FOXP2: variants seen among roughly 807,000 people sequenced by gnomAD.
FOXP2 encodes forkhead box protein P2.
FOXP2 carries 12 observed loss-of-function variants against 115.8 expected under a neutral mutation model. The observed-to-expected ratio is 0.10, with a 90% confidence interval of 0.07 to 0.17. The LOEUF is 0.17. Ranked by LOEUF, FOXP2 falls within the 10% of genes least tolerant of loss-of-function variation. FOXP2 has a pLI of 1.00. For missense variants in FOXP2, 629 were observed against 843.5 expected (o/e 0.75, Z 3.15); for synonymous variants, 328 against 297.7 (o/e 1.10, Z -1.05).
rs193015849 is a variant in FOXP2, at chr7:114,109,800, C to G, written c.-247+21962C>G. On this transcript the variant is annotated intron_variant, in intron 1 of 19. Transcript: ENST00000635638. ...TGATAAATATCTGTCAGAACATTTA[C>G]AGTCTTAATTTCATTTGAATGGAAA... is the stretch of plus-strand genomic sequence containing the variant. Among the ~76,000 whole-genome samples the G allele has an allele frequency of 1.9e-3, 286 of 152,082 alleles. 1 individual carries two copies. The highest frequency in any genetic ancestry group is 3.7e-3 in the South Asian group (18 of 4,812).
At chr7:114,657,971 G>A (rs975063932) in intron 10 of FOXP2, 95 bp from the exon 11 acceptor site, 44 of 1,329,498 alleles carry the variant, frequency 3.3e-5, no homozygotes, top group Non-Finnish European at 4.7e-5. Flanking sequence ...TGGCAACACA[G>A]CTGTAGAAGT....
At chr7:114,387,144 C>T (rs543530780) in intron 2 of FOXP2, among the ~76,000 whole-genome samples, 1 of 152,262 alleles carries the variant, frequency 6.6e-6, no homozygotes, top group Non-Finnish European at 1.5e-5. Flanking sequence ...TCTAATACTG[C>T]AGGTTTCTTC....
At chr7:114,284,058 G>A (rs1478008434) in intron 1 of FOXP2, among the ~76,000 whole-genome samples, 1 of 152,100 alleles carries the variant, frequency 6.6e-6, no homozygotes, top group Admixed American at 6.6e-5. Flanking sequence ...CAGAAGATAG[G>A]TCAAATGGTC....
chr7:114,659,186 T>A (rs1806746228), intron 11 of FOXP2, among the ~76,000 whole-genome samples, 170 bp from the exon 12 acceptor site: 1 of 152,164 alleles, frequency 6.6e-6, no homozygotes, highest in Non-Finnish European at 1.5e-5. Context: ...GCACTTCGCG[T>A]CAGAAATGGC....
intron 2 of FOXP2, among the ~76,000 whole-genome samples, chr7:114,486,257 T>C (rs933863443): frequency 2.0e-5 from 3 of 152,136 alleles, no homozygotes; most frequent in African/African-American, 7.2e-5. Flanking sequence ...ATATCTTACA[T>C]GGTGGCAGGC....
intron 1 of FOXP2, among the ~76,000 whole-genome samples, chr7:114,172,845 A>G (rs1412248610): frequency 6.6e-6 from 1 of 152,158 alleles, no homozygotes; most frequent in Non-Finnish European, 1.5e-5. Context: ...ATCTGTCAAC[A>G]TTGAATATTC....
intron 1 of FOXP2, among the ~76,000 whole-genome samples, chr7:114,188,782 A>T (rs992337898): frequency 6.6e-6 from 1 of 152,198 alleles, no homozygotes; most frequent in Admixed American, 6.5e-5. Flanking sequence ...AGTCTTGTTC[A>T]AACTGTCATA....
At chr7:114,491,711 G>A (rs1181682861) in intron 2 of FOXP2, among the ~76,000 whole-genome samples, 5 of 152,136 alleles carry the variant, frequency 3.3e-5, no homozygotes, top group African/African-American at 7.2e-5. Context: ...GCTGGATTAC[G>A]TTTATTGATT....
intron 2 of FOXP2, among the ~76,000 whole-genome samples, chr7:114,350,336 C>T (rs1035568585): frequency 1.3e-5 from 2 of 152,146 alleles, no homozygotes; most frequent in African/African-American, 2.4e-5. Flanking sequence ...TGATGTTCCC[C>T]TCCCTGTGTC....
At chr7:114,212,798 A>T (rs1349475627) in intron 1 of FOXP2, among the ~76,000 whole-genome samples, 8 of 152,222 alleles carry the variant, frequency 5.3e-5, no homozygotes, top group South Asian at 2.1e-4. Flanking sequence ...AACAACAACA[A>T]CATCCTGTAA....
chr7:114,389,622 C>G (rs946855608), intron 2 of FOXP2, among the ~76,000 whole-genome samples: 27 of 152,186 alleles, frequency 1.8e-4, no homozygotes, highest in African/African-American at 6.0e-4. Context: ...GTGTCCAAAC[C>G]TCAAATTGCA....
intron 16 of FOXP2, among the ~76,000 whole-genome samples, chr7:114,673,027 G>A (rs1001293515): frequency 6.6e-6 from 1 of 152,162 alleles, no homozygotes; most frequent in African/African-American, 2.4e-5. Flanking sequence ...AGATAAACTG[G>A]AACATACACC....
At chr7:114,626,298 A>G (rs1804579513) in intron 3 of FOXP2, among the ~76,000 whole-genome samples, 2 of 151,872 alleles carry the variant, frequency 1.3e-5, no homozygotes, top group East Asian at 3.8e-4. Context: ...CTACAGTCAT[A>G]TTATATGTAT....
intron 3 of FOXP2, among the ~76,000 whole-genome samples, chr7:114,551,720 A>C (rs530797822): frequency 1.3e-5 from 2 of 152,312 alleles, no homozygotes; most frequent in African/African-American, 4.8e-5. Flanking sequence ...AATGTAGAAA[A>C]GTATTTTAAT....
At chr7:114,302,080 T>C (rs139066014) in intron 2 of FOXP2, among the ~76,000 whole-genome samples, 112 of 152,356 alleles carry the variant, frequency 7.4e-4, no homozygotes, top group African/African-American at 2.5e-3. Context: ...TTTACTCTTA[T>C]TGAATTTTAA....
At chr7:114,353,931 T>A (rs551350707) in intron 2 of FOXP2, among the ~76,000 whole-genome samples, 3 of 152,272 alleles carry the variant, frequency 2.0e-5, no homozygotes, top group African/African-American at 4.8e-5. Context: ...GTTAATCTTA[T>A]GTGTCATCTT....
intron 1 of FOXP2, among the ~76,000 whole-genome samples, chr7:114,167,753 G>A (rs183276174): frequency 5.3e-4 from 80 of 152,034 alleles, no homozygotes; most frequent in Middle Eastern, 3.4e-3. Flanking sequence ...TTGCTAACAT[G>A]GTGAAACCCT....
chr7:114,154,539 T>G (rs944278810), intron 1 of FOXP2, among the ~76,000 whole-genome samples: 3 of 152,150 alleles, frequency 2.0e-5, no homozygotes, highest in African/African-American at 7.2e-5. Flanking sequence ...TTTGATACCC[T>G]TATTTGACTC....
intron 3 of FOXP2, among the ~76,000 whole-genome samples, chr7:114,575,801 C>G (rs1381953677): frequency 6.6e-6 from 1 of 151,760 alleles, no homozygotes; most frequent in African/African-American, 2.4e-5. Flanking sequence ...CAGAGAGTAA[C>G]CTGAAGTTAA....
Sources: allele counts gnomAD v4.1 joint callset (sites outside exome capture counted in the v4.1 genomes callset), GRCh38; gene constraint gnomAD v4.1.1; transcripts MANE v1.5; gene names NCBI Gene and HGNC (gene_info 2026-07-23, HGNC 2026-07-21).